EVI5: variants seen among roughly 807,000 people sequenced by gnomAD.
EVI5 encodes ecotropic viral integration site 5.
Under a neutral mutation model 112.0 loss-of-function variants are expected in EVI5, and 73 were observed. The observed-to-expected ratio is 0.65, with a 90% CI of 0.54 to 0.79. EVI5 has a LOEUF of 0.79. Ranked by LOEUF, EVI5 falls within the 30% of genes least tolerant of loss-of-function variation. The probability of loss-of-function intolerance (pLI) is 0.00; values close to 1 mark genes in which losing one functional copy is unlikely to be tolerated. For synonymous variants in EVI5, 305 were observed against 319.9 expected (o/e 0.95, Z 0.50); for missense variants, 900 against 968.8 (o/e 0.93, Z 0.94).
At chr1:92,547,089 T>C (rs965299574) in intron 19 of EVI5, among the ~76,000 whole-genome samples, 16 of 152,178 alleles carry the variant, frequency 1.1e-4, no homozygotes, top group Admixed American at 2.0e-4. Context: ...ATTGACCACA[T>C]AGTTGGAACT....
chr1:92,750,379 C>A (rs1464475168), intron 1 of EVI5, among the ~76,000 whole-genome samples: 2 of 152,042 alleles, frequency 1.3e-5, no homozygotes, highest in Admixed American at 6.6e-5. Flanking sequence ...ATTTGCTTTA[C>A]CAAACTAAGT....
chr1:92,732,460 A>T (rs1157187048), intron 2 of EVI5: 1 of 203,846 alleles, frequency 4.9e-6, no homozygotes, highest in Non-Finnish European at 1.0e-5. Context: ...ATGCTGATGG[A>T]GATATATCAC....
At chr1:92,690,347 A>T (rs1188196332) in intron 9 of EVI5, among the ~76,000 whole-genome samples, 1 of 87,182 alleles carries the variant, frequency 1.1e-5, no homozygotes, top group African/African-American at 4.0e-5. Flanking sequence ...ATCCCCAATG[A>T]TACTTTTTTT....
At chr1:92,545,414 TAA>T (rs11284076) in intron 19 of EVI5, among the ~76,000 whole-genome samples, 424 of 143,566 alleles carry the variant, frequency 3.0e-3, no homozygotes, top group Middle Eastern at 3.6e-3. Context: ...CTACTTGATG[TAA>T]AAAAAAAAAA....
intron 19 of EVI5, among the ~76,000 whole-genome samples, chr1:92,550,813 T>TATATAA (rs1346523555): frequency 1.1e-3 from 91 of 80,084 alleles, no homozygotes; most frequent in African/African-American, 3.8e-3. Context: ...TATATATATA[T>TATATAA]AACAAAAAAA....
At chr1:92,567,778 T>G (rs1669724631) in intron 18 of EVI5, among the ~76,000 whole-genome samples, 1 of 152,236 alleles carries the variant, frequency 6.6e-6, no homozygotes. Flanking sequence ...TACAGTTATC[T>G]AAGCCAAAAC....
intron 1 of EVI5, among the ~76,000 whole-genome samples, chr1:92,747,374 T>C (rs1570739052): frequency 6.6e-6 from 1 of 152,120 alleles, no homozygotes; most frequent in Admixed American, 6.5e-5. Context: ...TTATCTTAGT[T>C]TCCTAGTACT....
At chr1:92,638,903 T>TA (rs1198727389) in intron 13 of EVI5, among the ~76,000 whole-genome samples, 3 of 151,834 alleles carry the variant, frequency 2.0e-5, no homozygotes, top group African/African-American at 7.3e-5. Context: ...TCCAAACCTC[T>TA]AAAAAAAATC....
chr1:92,604,308 C>T (rs910930505), intron 18 of EVI5, among the ~76,000 whole-genome samples: 2 of 151,652 alleles, frequency 1.3e-5, no homozygotes, highest in Non-Finnish European at 2.9e-5. Flanking sequence ...TGAGCTATGA[C>T]TGTGCCACTA....
intron 19 of EVI5, among the ~76,000 whole-genome samples, chr1:92,560,287 G>A (rs1668325915): frequency 2.0e-5 from 3 of 152,066 alleles, no homozygotes; most frequent in South Asian, 4.2e-4. Flanking sequence ...AGCAAAACAA[G>A]CAAGACACAA....
In EVI5 at chr1:92,558,447, T is replaced by C. The variant is rs377571702; in HGVS notation, c.2166+5195A>G. On this transcript the variant is annotated intron_variant, in intron 19 of 19. Coordinates refer to ENST00000684568, the MANE Select transcript of EVI5 (RefSeq NM_001350197.2). Reference sequence around the variant, plus strand: ...GTTTACCTTTCTCTATGCTGGTCAATGGCACCAACCAATCATTCACTCAAT... The same window carrying C: ...GTTTACCTTTCTCTATGCTGGTCAACGGCACCAACCAATCATTCACTCAAT... Among the ~76,000 whole-genome samples, 19 of 152,358 alleles carry C rather than the reference T, an allele frequency of 1.2e-4. No individual in the cohort carries two copies. In the South Asian group the frequency reaches 3.9e-3, roughly 32 times the overall value.
At chr1:92,785,942 C>A (rs1685591213), upstream of EVI5, among the ~76,000 whole-genome samples, 1 of 151,858 alleles carries the variant, frequency 6.6e-6, no homozygotes, top group South Asian at 2.1e-4. Flanking sequence ...AAAAAATAGC[C>A]CGGCGTCGTG....
At chr1:92,534,142 C>G (rs1663390941) in intron 19 of EVI5, among the ~76,000 whole-genome samples, 1 of 152,068 alleles carries the variant, frequency 6.6e-6, no homozygotes, top group Non-Finnish European at 1.5e-5. Context: ...CAATAACAGA[C>G]AAACAGAGAG....
intron 13 of EVI5, among the ~76,000 whole-genome samples, chr1:92,645,369 T>G (rs1239625835): frequency 6.6e-6 from 1 of 152,184 alleles, no homozygotes; most frequent in Non-Finnish European, 1.5e-5. Context: ...CCTTTTAATT[T>G]TTTTCCAGTT....
chr1:92,573,950 A>G (rs995146571), intron 18 of EVI5, among the ~76,000 whole-genome samples: 1 of 152,120 alleles, frequency 6.6e-6, no homozygotes, highest in Non-Finnish European at 1.5e-5. Context: ...TTAGCACTCA[A>G]AAGTGTTGTA....
At chr1:92,594,880 C>T (rs1353594561) in intron 18 of EVI5, among the ~76,000 whole-genome samples, 2 of 151,996 alleles carry the variant, frequency 1.3e-5, no homozygotes, top group African/African-American at 2.4e-5. Flanking sequence ...CCATCTCACA[C>T]CAGTTAGAAT....
chr1:92,527,358 T>C (rs1207254693), intron 19 of EVI5, among the ~76,000 whole-genome samples: 1 of 144,680 alleles, frequency 6.9e-6, no homozygotes, highest in Non-Finnish European at 1.5e-5. Context: ...GAGGTTGCAA[T>C]GTGCTGAGAT....
intron 2 of EVI5, among the ~76,000 whole-genome samples, chr1:92,706,365 T>G (rs995214499): frequency 2.0e-5 from 3 of 152,200 alleles, no homozygotes; most frequent in African/African-American, 7.2e-5. Flanking sequence ...ATTTTCCACA[T>G]GATTCTAAAC....
rs61800503 is a variant in EVI5, at chr1:92,704,221, G to A, written c.339+334C>T. Among the ~76,000 whole-genome samples the A allele has an allele frequency of 4.0e-3, 612 of 152,246 alleles. 5 individuals are homozygous for A. The highest frequency in any genetic ancestry group is 5.9e-3 in the Non-Finnish European group (403 of 67,998). ...CATAGCTACTCAGGAGCCTGAGGCA[G>A]GAGAACAGCTTAAGCCCAGAAATTC... On this transcript the variant is annotated intron_variant, in intron 3 of 19. Coordinates refer to ENST00000684568, the MANE Select transcript of EVI5 (RefSeq NM_001350197.2).
Sources: allele counts gnomAD v4.1 joint callset (sites outside exome capture counted in the v4.1 genomes callset), GRCh38; gene constraint gnomAD v4.1.1; transcripts MANE v1.5; gene names NCBI Gene and HGNC (gene_info 2026-07-23, HGNC 2026-07-21).